FRMD6: variants seen among roughly 807,000 people sequenced by gnomAD.
FRMD6 encodes FERM domain containing 6, also known as FERM domain-containing protein 6.
FRMD6 carries 37 observed loss-of-function variants against 73.2 expected under a neutral mutation model. The ratio of observed to expected loss-of-function variants is 0.51; its 90% CI spans 0.39 to 0.66. The LOEUF (loss-of-function observed/expected upper bound fraction) is 0.66. FRMD6 is among the 30% of genes least tolerant of loss of function. The probability of loss-of-function intolerance (pLI) is 0.00; values close to 1 mark genes in which losing one functional copy is unlikely to be tolerated. For missense variants in FRMD6, 714 were observed against 780.5 expected, an observed-to-expected ratio of 0.91 and a Z score of 1.02; for synonymous variants, 273 against 282.2, an observed-to-expected ratio of 0.97 and a Z score of 0.33.
the FRMD6 span, among the ~76,000 whole-genome samples, chr14:51,400,534 T>C: frequency 6.6e-6 from 1 of 152,218 alleles, no homozygotes; most frequent in Non-Finnish European, 1.5e-5. Context: ...AACTCAACTT[T>C]ATCCAGTCTT....
chr14:51,508,185 G>A (rs1311591850), intron 1 of FRMD6, among the ~76,000 whole-genome samples: 1 of 151,926 alleles, frequency 6.6e-6, no homozygotes, highest in Non-Finnish European at 1.5e-5. Flanking sequence ...CTCCCGCTGG[G>A]TGACCCCATC....
At chr14:51,488,771 A>G (rs1882840556), upstream of FRMD6, among the ~76,000 whole-genome samples, 1 of 152,240 alleles carries the variant, frequency 6.6e-6, no homozygotes. Flanking sequence ...TCAAAGCTTG[A>G]CAAAGTGTAG....
chr14:51,459,760 G>C, the FRMD6 span, among the ~76,000 whole-genome samples: 1 of 141,454 alleles, frequency 7.1e-6, no homozygotes, highest in Non-Finnish European at 1.5e-5. Context: ...CCGGGAGGCG[G>C]AGCTTGCAGT....
At chr14:51,467,766 A>T in the FRMD6 span, among the ~76,000 whole-genome samples, 8 of 150,242 alleles carry the variant, frequency 5.3e-5, no homozygotes, top group Non-Finnish European at 1.0e-4. Flanking sequence ...CACTTCCTAG[A>T]CGGGATGACG....
chr14:51,571,409 A>C (rs1888129387), intron 2 of FRMD6, among the ~76,000 whole-genome samples: 1 of 152,200 alleles, frequency 6.6e-6, no homozygotes, highest in Admixed American at 6.5e-5. Context: ...GTCCTCTTGT[A>C]GTGTTTAGGG....
chr14:51,497,330 C>T (rs1883362372), intron 1 of FRMD6, among the ~76,000 whole-genome samples: 1 of 151,284 alleles, frequency 6.6e-6, no homozygotes, highest in Non-Finnish European at 1.5e-5. Context: ...GCCCAGAGGT[C>T]TCTTATCATC....
chr14:51,693,982 G>A (rs1895777217), intron 2 of FRMD6, among the ~76,000 whole-genome samples: 2 of 152,186 alleles, frequency 1.3e-5, no homozygotes, highest in Non-Finnish European at 2.9e-5. Context: ...TATAGAGTTT[G>A]AGTGTAATAA....
intron 1 of FRMD6, among the ~76,000 whole-genome samples, chr14:51,655,475 T>C (rs943099230): frequency 6.6e-6 from 1 of 152,178 alleles, no homozygotes; most frequent in African/African-American, 2.4e-5. Context: ...ATCGTTGGTC[T>C]CTGTGGTTAA....
intron 1 of FRMD6, among the ~76,000 whole-genome samples, chr14:51,667,775 A>G (rs375710526): frequency 6.6e-6 from 1 of 152,260 alleles, no homozygotes; most frequent in Non-Finnish European, 1.5e-5. Flanking sequence ...AATAAATGTT[A>G]TCTCATCTAG....
At chr14:51,419,986 T>G in the FRMD6 span, among the ~76,000 whole-genome samples, 33,396 of 132,416 alleles carry the variant, frequency 0.25, 4,303 homozygotes, top group East Asian at 0.52. Context: ...TGTGGTCATG[T>G]GACTTCCTGC....
the FRMD6 span, among the ~76,000 whole-genome samples, chr14:51,477,737 CTTTTTTTTTT>C: frequency 1.9e-4 from 26 of 134,188 alleles, no homozygotes; most frequent in African/African-American, 5.0e-4. Context: ...TTTTCTTTTT[CTTTTTTTTTT>C]TTTTTTTTTG....
intron 2 of FRMD6, among the ~76,000 whole-genome samples, chr14:51,639,671 G>T (rs532266087): frequency 3.3e-5 from 5 of 152,294 alleles, no homozygotes; most frequent in African/African-American, 1.2e-4. Flanking sequence ...TTTCAAATGC[G>T]TTGCATTCCT....
chr14:51,445,805 T>C, the FRMD6 span, among the ~76,000 whole-genome samples: 1 of 152,212 alleles, frequency 6.6e-6, no homozygotes, highest in East Asian at 1.9e-4. Flanking sequence ...AGCACAAGAC[T>C]GTCTTATGTT....
chr14:51,424,021 T>C, the FRMD6 span, among the ~76,000 whole-genome samples: 2 of 152,348 alleles, frequency 1.3e-5, no homozygotes, highest in African/African-American at 4.8e-5. Flanking sequence ...GCATTGTATA[T>C]ACAACAGTAA....
At chr14:51,606,447 C>G (rs1387858543) in intron 2 of FRMD6, among the ~76,000 whole-genome samples, 1 of 152,178 alleles carries the variant, frequency 6.6e-6, no homozygotes, top group East Asian at 1.9e-4. Flanking sequence ...CTCTGCAGGC[C>G]TTTTCCAAGG....
intron 10 of FRMD6, 87 bp downstream of exon 10, chr14:51,715,586 G>C: frequency 8.4e-7 from 1 of 1,183,526 alleles, no homozygotes; most frequent in Non-Finnish European, 1.2e-6. Context: ...AGCTCCTACA[G>C]AATTGGATTT....
At chr14:51,716,715 G>A (rs2140576856) in intron 10 of FRMD6, among the ~76,000 whole-genome samples, 1 of 152,322 alleles carries the variant, frequency 6.6e-6, no homozygotes, top group African/African-American at 2.4e-5. Flanking sequence ...TGGTATAACT[G>A]TCAGGTGTAT....
chr14:51,531,003 T>A (rs1385983123), intron 1 of FRMD6, among the ~76,000 whole-genome samples: 1 of 152,186 alleles, frequency 6.6e-6, no homozygotes, highest in Non-Finnish European at 1.5e-5. Context: ...GTTTTCTTCC[T>A]GCATCTTCTC....
the FRMD6 span, among the ~76,000 whole-genome samples, chr14:51,408,932 A>G: frequency 6.6e-6 from 1 of 152,198 alleles, no homozygotes. Flanking sequence ...AACTTCGAAC[A>G]CTTTAAAGTA....
Sources: gnomAD v4.1 joint callset for allele counts (sites outside exome capture counted in the v4.1 genomes callset) on GRCh38, gnomAD v4.1.1 for gene constraint, MANE v1.5 for transcripts, NCBI Gene and HGNC (gene_info 2026-07-23, HGNC 2026-07-21) for gene names.